Variants in GRIA4 observed in about 807,000 individuals in gnomAD.
GRIA4 encodes the protein glutamate receptor 4.
A neutral mutation model predicts 104.0 loss-of-function variants in GRIA4; 34 were observed. The ratio of observed to expected loss-of-function variants is 0.33; its 90% CI spans 0.25 to 0.44. The LOEUF is 0.44. Among genes scored for constraint, GRIA4 ranks in the 20% least tolerant of loss-of-function variants. The pLI is 1.00. For missense variants in GRIA4, 750 were observed against 1,096.5 expected, an observed-to-expected ratio of 0.68 and a Z score of 4.46; for synonymous variants, 386 against 381.9, an observed-to-expected ratio of 1.01 and a Z score of -0.13.
intron 3 of GRIA4, among the ~76,000 whole-genome samples, chr11:105,661,999 G>GTGTGTT (rs1555093736): frequency 6.9e-4 from 27 of 39,384 alleles, no homozygotes; most frequent in Admixed American, 5.7e-3. Flanking sequence ...AACTGTGTGT[G>GTGTGTT]TGTGTGTTTG....
chr11:105,622,794 T>G (rs1352906611), intron 3 of GRIA4, among the ~76,000 whole-genome samples: 1 of 151,798 alleles, frequency 6.6e-6, no homozygotes, highest in Non-Finnish European at 1.5e-5. Context: ...CTGAATAACG[T>G]GCATTGCACT....
chr11:105,965,096 C>T (rs775722480), intron 14 of GRIA4, among the ~76,000 whole-genome samples: 1 of 152,066 alleles, frequency 6.6e-6, no homozygotes, highest in Non-Finnish European at 1.5e-5. Flanking sequence ...CGTGAGCCAC[C>T]GCACCTGGCC....
chr11:105,755,338 C>T lies in GRIA4; in HGVS notation c.487+2118C>T, dbSNP rs192162640. Among the ~76,000 whole-genome samples the T allele has an allele frequency of 1.3e-3, 202 of 152,168 alleles. No individual in the cohort carries two copies. The Middle Eastern group carries it at 0.014, about 10-fold the overall frequency. On this transcript the variant is annotated intron_variant, in intron 4 of 16. Coordinates refer to ENST00000282499, the MANE Select transcript of GRIA4 (RefSeq NM_000829.4). ...ACCTTTAAATGACATGCCTTTTATT[C>T]CCTCTAAAATAAGTCTCTATAAATC...
intron 4 of GRIA4, among the ~76,000 whole-genome samples, chr11:105,779,540 C>T (rs962391645): frequency 2.6e-5 from 4 of 151,910 alleles, no homozygotes; most frequent in Non-Finnish European, 5.9e-5. Context: ...GATAGTTTAC[C>T]GAGTTAGTGG....
intron 5 of GRIA4, among the ~76,000 whole-genome samples, chr11:105,882,220 G>C (rs932850028): frequency 7.9e-5 from 12 of 152,018 alleles, no homozygotes; most frequent in Non-Finnish European, 1.8e-4. Flanking sequence ...GAATTCTCTG[G>C]AACATGAAAA....
At chr11:105,870,223 T>G (rs905826153) in intron 5 of GRIA4, among the ~76,000 whole-genome samples, 14 of 150,606 alleles carry the variant, frequency 9.3e-5, no homozygotes, top group African/African-American at 3.1e-4. Context: ...GTTTTTATAA[T>G]TTATTCTAAT....
At chr11:105,726,663 G>C (rs1336501947) in intron 3 of GRIA4, among the ~76,000 whole-genome samples, 1 of 152,054 alleles carries the variant, frequency 6.6e-6, no homozygotes, top group Non-Finnish European at 1.5e-5. Flanking sequence ...GTCCCCCTCT[G>C]GAACGAAGCT....
At chr11:105,892,658 C>T (rs1281780589) in intron 6 of GRIA4, among the ~76,000 whole-genome samples, 1 of 152,126 alleles carries the variant, frequency 6.6e-6, no homozygotes, top group African/African-American at 2.4e-5. Flanking sequence ...GTTAAGATTC[C>T]ATCAACTTGG....
intron 3 of GRIA4, among the ~76,000 whole-genome samples, chr11:105,668,734 G>T (rs1190713201): frequency 6.8e-6 from 1 of 147,382 alleles, no homozygotes; most frequent in African/African-American, 2.5e-5. Context: ...GCGTGCAGTG[G>T]GCTTGCAAAT....
intron 6 of GRIA4, among the ~76,000 whole-genome samples, chr11:105,891,930 C>G (rs1454104314): frequency 6.6e-6 from 1 of 152,058 alleles, no homozygotes; most frequent in African/African-American, 2.4e-5. Context: ...TCCTCTAGCA[C>G]CCAGCTTATG....
chr11:105,980,805 T>C lies in GRIA4; in HGVS notation c.*1066T>C, dbSNP rs1397207829. On this transcript the variant is annotated 3_prime_UTR_variant, in exon 17 of 17. Transcript: ENST00000282499. ...AGATTGTATTAGTGGTGGGCCATAG[T>C]GGAAAATGTAGCTAGCCCTCATTAT... is the stretch of plus-strand genomic sequence containing the variant. The C allele has an allele frequency of 6.5e-6, 1 of 152,758 alleles. No homozygotes were observed. Among genetic ancestry groups the C allele is most frequent in the East Asian group, 1.9e-4 (1 of 5,184 alleles). 9.5% of individuals were successfully genotyped at this position (152,758 alleles called of 1,614,324 possible).
At chr11:105,964,544 G>A (rs1232079755) in intron 14 of GRIA4, among the ~76,000 whole-genome samples, 1 of 152,044 alleles carries the variant, frequency 6.6e-6, no homozygotes, top group Admixed American at 6.5e-5. Flanking sequence ...TTGATAATAT[G>A]GTTGCTTTAT....
At chr11:105,715,696 T>C (rs1221633480) in intron 3 of GRIA4, among the ~76,000 whole-genome samples, 1 of 152,148 alleles carries the variant, frequency 6.6e-6, no homozygotes, top group Non-Finnish European at 1.5e-5. Context: ...ACCCAAAGAA[T>C]TAAGGATGAT....
At chr11:105,797,151 G>A (rs1194527095) in intron 4 of GRIA4, among the ~76,000 whole-genome samples, 1 of 152,124 alleles carries the variant, frequency 6.6e-6, no homozygotes, top group East Asian at 1.9e-4. Flanking sequence ...AAAGGCTGCA[G>A]TGAGCCGAGA....
intron 4 of GRIA4, among the ~76,000 whole-genome samples, chr11:105,836,090 AG>A (rs1468847268): frequency 6.6e-5 from 10 of 152,212 alleles, no homozygotes; most frequent in African/African-American, 1.9e-4. Context: ...TCCAGTAAAG[AG>A]TTAAGGCCCC....
At chr11:105,973,152 A>G (rs1002727491) in intron 15 of GRIA4, among the ~76,000 whole-genome samples, 1 of 152,108 alleles carries the variant, frequency 6.6e-6, no homozygotes, top group Non-Finnish European at 1.5e-5. Flanking sequence ...TTACCCTAAA[A>G]TGTTTGGCCC....
chr11:105,730,500 C>T (rs931362408), intron 3 of GRIA4, among the ~76,000 whole-genome samples: 1 of 152,152 alleles, frequency 6.6e-6, no homozygotes, highest in African/African-American at 2.4e-5. Context: ...TTACCCTTGA[C>T]TTTCCTCAAA....
At chr11:105,950,679 G>A (rs1948434473) in intron 14 of GRIA4, among the ~76,000 whole-genome samples, 1 of 152,068 alleles carries the variant, frequency 6.6e-6, no homozygotes, top group South Asian at 2.1e-4. Flanking sequence ...TATTTAGGCT[G>A]TATCTGTTCA....
At chr11:105,730,569 A>G (rs1195908909) in intron 3 of GRIA4, among the ~76,000 whole-genome samples, 1 of 152,184 alleles carries the variant, frequency 6.6e-6, no homozygotes, top group East Asian at 1.9e-4. Flanking sequence ...TGTATAGCCA[A>G]GACAATCCAA....
Sources: allele counts gnomAD v4.1 joint callset (sites outside exome capture counted in the v4.1 genomes callset), GRCh38; gene constraint gnomAD v4.1.1; transcripts MANE v1.5; gene names NCBI Gene and HGNC (gene_info 2026-07-23, HGNC 2026-07-21).